Variants in HPRT1 observed in about 807,000 individuals in gnomAD.
HPRT1 encodes hypoxanthine-guanine phosphoribosyltransferase.
HPRT1 carries 4 observed loss-of-function variants against 19.0 expected under a neutral mutation model. That is an observed-to-expected ratio of 0.21 (90% CI 0.10 to 0.48). The LOEUF is 0.48. HPRT1 is among the 20% of genes least tolerant of loss of function. The probability of loss-of-function intolerance (pLI) is 0.98; values close to 1 mark genes in which losing one functional copy is unlikely to be tolerated. For missense variants in HPRT1, 65 were observed against 164.0 expected, an observed-to-expected ratio of 0.40 and a Z score of 3.30; for synonymous variants, 53 against 54.9, an observed-to-expected ratio of 0.97 and a Z score of 0.15.
At chrX:134,483,711 G>A (rs1037866719) in intron 3 of HPRT1, among the ~76,000 whole-genome samples, 10 of 111,679 alleles carry the variant, frequency 9.0e-5, no homozygotes, top group Admixed American at 1.9e-4. Context: ...GGAGGTTCGC[G>A]CAGTTCCTTT....
chrX:134,486,628 A>T, intron 4 of HPRT1, 98 bp downstream of exon 4: 1 of 548,835 alleles, frequency 1.8e-6, no homozygotes, highest in South Asian at 2.4e-5. Context: ...TTTACATAGT[A>T]TAACTAAATG....
At chrX:134,468,997 A>G (rs1003578680) in intron 1 of HPRT1, among the ~76,000 whole-genome samples, 2 of 110,640 alleles carry the variant, frequency 1.8e-5, no homozygotes, top group Non-Finnish European at 3.8e-5. Context: ...ACCTCAAGCA[A>G]TCCTCCTGCC....
At chrX:134,472,768 T>C (rs1368611813) in intron 1 of HPRT1, among the ~76,000 whole-genome samples, 2 of 108,920 alleles carry the variant, frequency 1.8e-5, no homozygotes, top group African/African-American at 6.7e-5. Flanking sequence ...CGGGGGGAGG[T>C]TTCACCATGT....
At chrX:134,472,574 T>G (rs2077612945) in intron 1 of HPRT1, among the ~76,000 whole-genome samples, 1 of 111,896 alleles carries the variant, frequency 8.9e-6, no homozygotes, top group South Asian at 3.7e-4. Flanking sequence ...GTTTTGTTTT[T>G]TGTTTTTTAA....
rs1602745404 is a variant in HPRT1, at chrX:134,486,485, C to A, written c.339C>A (p.Asp113Glu). Residue 113 changes from aspartate to glutamate, a missense_variant, in exon 4 of 9, where the codon GAC becomes GAA. Transcript: ENST00000298556. ...KSYCNDQSTG[D>E]IKVIGGDDLS... is the part of the protein sequence containing the mutation. ...ACTAGAATGACCAGTCAACAGGGGA[C>A]ATAAAAGTAATTGGTGGAGATGATC... 2 of 1,140,197 alleles carry A rather than the reference C, an allele frequency of 1.8e-6. No individual in the cohort carries two copies. Among genetic ancestry groups the A allele is most frequent in the African/African-American group, 1.9e-5 (1 of 52,435 alleles). 94.0% of individuals were successfully genotyped at this position (1,140,197 alleles called of 1,213,427 possible). A position where few individuals can be genotyped will look rare whatever the true frequency, so the allele number is the denominator to read the frequency against.
intron 1 of HPRT1, among the ~76,000 whole-genome samples, chrX:134,471,287 G>A (rs2077609856): frequency 9.0e-6 from 1 of 111,227 alleles, no homozygotes; most frequent in Non-Finnish European, 1.9e-5. Flanking sequence ...TCAAAGATAA[G>A]TGCTTTTATG....
At chrX:134,473,168 G>A (rs1004252337) in intron 1 of HPRT1, among the ~76,000 whole-genome samples, 191 bp from the exon 2 acceptor site, 3 of 112,220 alleles carry the variant, frequency 2.7e-5, no homozygotes, top group African/African-American at 9.7e-5. Flanking sequence ...GGGATTACAC[G>A]TGTGAACCAA....
At chrX:134,478,489 T>C (rs2077631360) in intron 3 of HPRT1, among the ~76,000 whole-genome samples, 1 of 110,978 alleles carries the variant, frequency 9.0e-6, no homozygotes, top group African/African-American at 3.3e-5. Context: ...GGCGTGCACC[T>C]GTAGTCCCAG....
intron 8 of HPRT1, among the ~76,000 whole-genome samples, chrX:134,499,665 G>T (rs968059003): frequency 1.8e-5 from 2 of 108,218 alleles, no homozygotes; most frequent in Non-Finnish European, 3.8e-5. Context: ...ATTAGCTGGG[G>T]TGGTGGCGGG....
chrX:134,464,664 G>A (rs745389973), intron 1 of HPRT1, among the ~76,000 whole-genome samples: 19 of 110,945 alleles, frequency 1.7e-4, no homozygotes, highest in South Asian at 3.8e-4. Context: ...TCTAGCCACC[G>A]ACTCCCTGGT....
chrX:134,495,483 C>T (rs1014185316), intron 6 of HPRT1, among the ~76,000 whole-genome samples: 2 of 111,761 alleles, frequency 1.8e-5, no homozygotes, highest in East Asian at 2.8e-4. Flanking sequence ...AACTGCAAAG[C>T]GCTGTTTCAC....
At chrX:134,462,210 C>T (rs912718880) in intron 1 of HPRT1, among the ~76,000 whole-genome samples, 1 of 110,814 alleles carries the variant, frequency 9.0e-6, no homozygotes, top group Non-Finnish European at 1.9e-5. Flanking sequence ...GATGGAGTTT[C>T]GCTCTTGTTG....
At chrX:134,480,452 A>AT (rs757230667) in intron 3 of HPRT1, among the ~76,000 whole-genome samples, 1,486 of 76,565 alleles carry the variant, frequency 0.019, 32 homozygotes, top group African/African-American at 0.086. Flanking sequence ...TTAATTAGAA[A>AT]TGTTTTTTTT....
intron 1 of HPRT1, 53 bp from the exon 2 acceptor site, chrX:134,473,306 A>T: frequency 1.3e-6 from 1 of 754,302 alleles, no homozygotes; most frequent in Non-Finnish European, 2.1e-6. Flanking sequence ...TAATCCAATC[A>T]AATGTTTGTA....
chrX:134,486,093 T>C (rs1316984099), intron 3 of HPRT1, among the ~76,000 whole-genome samples: 1 of 111,288 alleles, frequency 9.0e-6, no homozygotes, highest in Non-Finnish European at 1.9e-5. Context: ...ACACCTGTCA[T>C]GCTAATAACT....
intron 6 of HPRT1, among the ~76,000 whole-genome samples, chrX:134,496,915 A>T (rs1330329352): frequency 6.3e-5 from 7 of 111,489 alleles, no homozygotes; most frequent in Non-Finnish European, 1.3e-4. Flanking sequence ...AAACATATAT[A>T]TTTATCTAGG....
intron 4 of HPRT1, among the ~76,000 whole-genome samples, chrX:134,489,254 T>C (rs1030826282): frequency 2.7e-5 from 3 of 111,921 alleles, no homozygotes; most frequent in African/African-American, 9.7e-5. Flanking sequence ...TTAAATTATA[T>C]ATGATTTATG....
intron 1 of HPRT1, chrX:134,460,628 G>C (rs1266193147): frequency 5.6e-6 from 1 of 179,651 alleles, no homozygotes; most frequent in Admixed American, 8.2e-5. Flanking sequence ...TGCCGCCTGC[G>C]AGCGTGCTGC....
chrX:134,465,856 A>G (rs998522733), intron 1 of HPRT1, among the ~76,000 whole-genome samples: 2 of 111,914 alleles, frequency 1.8e-5, no homozygotes, highest in African/African-American at 6.5e-5. Context: ...TACCACTTCT[A>G]GGCCCCTCCA....
Sources: gnomAD v4.1 joint callset for allele counts (sites outside exome capture counted in the v4.1 genomes callset) on GRCh38, gnomAD v4.1.1 for gene constraint, MANE v1.5 for transcripts, NCBI Gene and HGNC (gene_info 2026-07-23, HGNC 2026-07-21) for gene names.